Variants in CLEC16A observed in about 807,000 individuals in gnomAD.
CLEC16A encodes C-type lectin domain containing 16A.
In CLEC16A, 51 loss-of-function variants were observed where a neutral mutation model predicts 109.5. The ratio of observed to expected loss-of-function variants is 0.47; its 90% CI spans 0.37 to 0.59. The LOEUF (loss-of-function observed/expected upper bound fraction) is 0.59, where lower values mean the gene tolerates loss of function less well. Ranked by LOEUF, CLEC16A falls within the 20% of genes least tolerant of loss-of-function variation. The pLI is 0.00. For missense variants in CLEC16A, 1,339 were observed against 1,394.0 expected, an observed-to-expected ratio of 0.96 and a Z score of 0.63; for synonymous variants, 673 against 564.2, an observed-to-expected ratio of 1.19 and a Z score of -2.73.
intron 17 of CLEC16A, among the ~76,000 whole-genome samples, chr16:11,050,408 C>T (rs2047878628): frequency 6.6e-6 from 1 of 152,202 alleles, no homozygotes; most frequent in Non-Finnish European, 1.5e-5. Context: ...GTCAGCTTTA[C>T]CTAGCAGGAG....
At chr16:11,055,090 T>C (rs2048141295) in intron 18 of CLEC16A, among the ~76,000 whole-genome samples, 1 of 152,228 alleles carries the variant, frequency 6.6e-6, no homozygotes, top group South Asian at 2.1e-4. Context: ...AAAGAGCTGC[T>C]AGATTCTTGC....
chr16:11,173,441 C>G (rs1597635124), intron 23 of CLEC16A, among the ~76,000 whole-genome samples: 1 of 152,090 alleles, frequency 6.6e-6, no homozygotes, highest in African/African-American at 2.4e-5. Flanking sequence ...TTAGAAGCCC[C>G]ACTCGGCCAC....
At chr16:11,033,390 G>A (rs1027946897) in intron 13 of CLEC16A, among the ~76,000 whole-genome samples, 2 of 152,188 alleles carry the variant, frequency 1.3e-5, no homozygotes, top group African/African-American at 2.4e-5. Flanking sequence ...AACAAGCATG[G>A]GCCTTGGAGT....
intron 10 of CLEC16A, among the ~76,000 whole-genome samples, chr16:10,997,816 A>C (rs191575514): frequency 6.6e-6 from 1 of 152,242 alleles, no homozygotes; most frequent in African/African-American, 2.4e-5. Flanking sequence ...AATACATGAT[A>C]TGCACTTATG....
chr16:11,054,401 C>G (rs2048104434), intron 18 of CLEC16A, among the ~76,000 whole-genome samples: 1 of 152,228 alleles, frequency 6.6e-6, no homozygotes, highest in South Asian at 2.1e-4. Flanking sequence ...CGATGATAGT[C>G]TTTTTGCCCC....
intron 18 of CLEC16A, among the ~76,000 whole-genome samples, chr16:11,052,774 A>G (rs78753859): frequency 0.14 from 20,556 of 152,212 alleles, 1,400 homozygotes; most frequent in African/African-American, 0.15. Context: ...CCAGGGCTAC[A>G]GCATCCTGTG....
At chr16:11,130,429 G>A (rs2053126254) in intron 22 of CLEC16A, among the ~76,000 whole-genome samples, 1 of 152,094 alleles carries the variant, frequency 6.6e-6, no homozygotes, top group Non-Finnish European at 1.5e-5. Context: ...GCATCCCTCG[G>A]CTAAATTTCT....
chr16:11,115,187 G>C (rs2051893819), intron 19 of CLEC16A, among the ~76,000 whole-genome samples: 2 of 152,140 alleles, frequency 1.3e-5, no homozygotes. Flanking sequence ...ACTCTCAGAT[G>C]AACTTCTTTT....
chr16:11,154,733 T>C (rs973174806), intron 22 of CLEC16A, among the ~76,000 whole-genome samples: 1 of 151,864 alleles, frequency 6.6e-6, no homozygotes, highest in Admixed American at 6.5e-5. Context: ...GAGACCAGCC[T>C]GACCAACATG....
chr16:11,153,714 G>A (rs1205323597), intron 22 of CLEC16A, among the ~76,000 whole-genome samples: 1 of 151,910 alleles, frequency 6.6e-6, no homozygotes, highest in African/African-American at 2.4e-5. Flanking sequence ...ATAAAATCAT[G>A]CTTAAGAATA....
intron 13 of CLEC16A, among the ~76,000 whole-genome samples, chr16:11,038,745 T>C (rs2047160988): frequency 1.3e-5 from 2 of 152,178 alleles, no homozygotes; most frequent in Non-Finnish European, 2.9e-5. Context: ...TTGGTGTCAT[T>C]GTATTAGGTT....
At chr16:10,948,979 C>G (rs1302880319) in intron 1 of CLEC16A, among the ~76,000 whole-genome samples, 1 of 152,210 alleles carries the variant, frequency 6.6e-6, no homozygotes, top group Non-Finnish European at 1.5e-5. Context: ...TGAACTGTCA[C>G]TCTGGCCAAA....
At chr16:11,016,946 G>A (rs1440929016) in intron 11 of CLEC16A, among the ~76,000 whole-genome samples, 1 of 150,400 alleles carries the variant, frequency 6.6e-6, no homozygotes, top group East Asian at 2.0e-4. Flanking sequence ...GGGAGGGAAG[G>A]GGGATGGTGA....
At chr16:10,967,661 A>G (rs527906483) in intron 3 of CLEC16A, among the ~76,000 whole-genome samples, 1 of 152,338 alleles carries the variant, frequency 6.6e-6, no homozygotes, top group East Asian at 1.9e-4. Context: ...AGTGACTACT[A>G]CTACTGTCCT....
intron 12 of CLEC16A, 130 bp downstream of exon 12, chr16:11,020,455 C>G (rs1338094420): frequency 8.3e-7 from 1 of 1,210,066 alleles, no homozygotes; most frequent in Non-Finnish European, 1.1e-6. Context: ...CTTTCTTTCC[C>G]TGCTTCTCCA....
chr16:11,005,792 A>G (rs543856904), intron 11 of CLEC16A, among the ~76,000 whole-genome samples: 1 of 152,262 alleles, frequency 6.6e-6, no homozygotes, highest in South Asian at 2.1e-4. Flanking sequence ...TTCACATTGC[A>G]TACCAGAGAA....
chr16:11,026,069 G>C (rs554059528), intron 13 of CLEC16A, among the ~76,000 whole-genome samples: 55 of 152,292 alleles, frequency 3.6e-4, no homozygotes, highest in African/African-American at 1.1e-3. Flanking sequence ...TTATCAATGT[G>C]TGAGCAAATC....
intron 13 of CLEC16A, among the ~76,000 whole-genome samples, chr16:11,033,297 G>T (rs2046848409): frequency 6.6e-6 from 1 of 152,088 alleles, no homozygotes; most frequent in Admixed American, 6.5e-5. Flanking sequence ...TTTGAAAGGA[G>T]GGGGCATGAA....
At chr16:11,120,259 C>T (rs6498166) in intron 19 of CLEC16A, among the ~76,000 whole-genome samples, 100,296 of 152,212 alleles carry the variant, frequency 0.66, 33,560 homozygotes, top group South Asian at 0.75. Context: ...GCGTGAGCCA[C>T]GGCACCCAGC....
Sources: allele counts gnomAD v4.1 joint callset (sites outside exome capture counted in the v4.1 genomes callset), GRCh38; gene constraint gnomAD v4.1.1; transcripts MANE v1.5; gene names NCBI Gene and HGNC (gene_info 2026-07-23, HGNC 2026-07-21).